Variants in CELSR3 observed in about 807,000 individuals in gnomAD.
CELSR3 encodes the protein cadherin EGF LAG seven-pass G-type receptor 3, also known as EGF-like protein 1.
CELSR3 carries 73 observed loss-of-function variants against 270.0 expected under a neutral mutation model. That is an observed-to-expected ratio of 0.27 (90% CI 0.22 to 0.33). CELSR3 has a LOEUF of 0.33. Among genes scored for constraint, CELSR3 ranks in the 10% least tolerant of loss-of-function variants. The probability of loss-of-function intolerance (pLI) is 1.00; values close to 1 mark genes in which losing one functional copy is unlikely to be tolerated. For synonymous variants in CELSR3, 1,780 were observed against 1,905.4 expected, an observed-to-expected ratio of 0.93 and a Z score of 1.71; for missense variants, 3,614 against 4,533.8, an observed-to-expected ratio of 0.80 and a Z score of 5.83.
At chr3:48,643,150 G>C (rs1234136887) in intron 28 of CELSR3, 67 bp from the exon 29 acceptor site, 25 of 1,072,960 alleles carry the variant, frequency 2.3e-5, no homozygotes, top group Non-Finnish European at 3.6e-5. Context: ...AAGTCACTGT[G>C]GGTCAGCAAT....
At position 48,650,748 on chromosome 3, in the gene CELSR3, G is replaced by A; in HGVS notation, c.6370+144C>T. ...GTGACAGGTCAGCAAAGTACTTGGG[G>A]CAAAGGTAGGGTTCCCTGGGTGTAA... On this transcript the variant is annotated intron_variant, in intron 15 of 34. Transcript: ENST00000164024. The surrounding 1 kb of genome is among the most constrained non-coding windows in gnomAD (Gnocchi z 5.1). The A allele has an allele frequency of 9.3e-7, 1 of 1,080,784 alleles. No individual in the cohort carries two copies. Among genetic ancestry groups the A allele is most frequent in the Admixed American group, 2.8e-5 (1 of 35,628 alleles). 66.9% of individuals were successfully genotyped at this position (1,080,784 alleles called of 1,614,324 possible).
At position 48,650,787 on chromosome 3, in the gene CELSR3, G is replaced by T; in HGVS notation, c.6370+105C>A. 7.5e-7 allele frequency: 1 copy of T among 1,333,698 alleles called. No homozygotes were observed. The highest frequency in any genetic ancestry group is 1.0e-6 in the Non-Finnish European group (1 of 972,810). 82.6% of individuals were successfully genotyped at this position (1,333,698 alleles called of 1,614,324 possible). ...CCCTGGGTGTAAGTGGTCTCCCTCA[G>T]GAGAAGCTTCCAGAGTCCCCAAGGA... On this transcript the variant is annotated intron_variant, in intron 15 of 34. Coordinates refer to ENST00000164024, the MANE Select transcript of CELSR3 (RefSeq NM_001407.3). The surrounding 1 kb of genome is among the most constrained non-coding windows in gnomAD (Gnocchi z 5.1).
In CELSR3 at chr3:48,659,230, G is replaced by A. The variant is rs1575545745; in HGVS notation, c.3405C>T (p.Arg1135=). Residue 1135 remains arginine (R), a synonymous_variant, in exon 1 of 35, where the codon CGC becomes CGT. Transcript: ENST00000164024. The surrounding 1 kb of genome is among the most constrained non-coding windows in gnomAD (Gnocchi z 8.1). ...TALIDLDYEA[R]QEYVIVVQAT... Reference sequence around the variant, plus strand: ...CCTGCACCACAATCACATATTCTTGGCGAGCCTCATAGTCTAGGTCAATGA... The same window carrying A: ...CCTGCACCACAATCACATATTCTTGACGAGCCTCATAGTCTAGGTCAATGA... The A allele has an allele frequency of 6.2e-7, 1 of 1,614,156 alleles. No homozygotes were observed. Among genetic ancestry groups the A allele is most frequent in the East Asian group, 2.2e-5 (1 of 44,884 alleles).
Position 48,650,907 on chromosome 3 carries a change from C to G in CELSR3, c.6355G>C (p.Ala2119Pro). The change falls in exon 15 of 35, where the codon GCC becomes CCC. Residue 2119 changes from alanine (A) to proline (P), a missense_variant. By Grantham distance (27) the Ala-to-Pro change is conservative. This residue lies in a region of CELSR3 where 1,331 missense variants were observed against 1,933.7 expected (regional missense o/e 0.69). Transcript: ENST00000164024. The surrounding 1 kb of genome is among the most constrained non-coding windows in gnomAD (Gnocchi z 5.1). The stretch of plus-strand genomic sequence containing the variant: ...GCCTGCTCACCCCGGCAGCCGCTGG[C>G]TGTCACCTCTGCGAAGGGACTGTCA... Reference protein sequence around the residue: ...SCDSPFAEVTASGCRVLYDAC... With the variant: ...SCDSPFAEVTPSGCRVLYDAC... The G allele has an allele frequency of 6.2e-7, 1 of 1,610,816 alleles. No homozygotes were observed. Among genetic ancestry groups the G allele is most frequent in the Non-Finnish European group, 8.5e-7 (1 of 1,179,722 alleles).
chr3:48,648,246 C>A lies in CELSR3; in HGVS notation c.6973+20G>T. On this transcript the variant is annotated intron_variant, in intron 19 of 34. Transcript: ENST00000164024. ...CATGGCCCCCCTGCTGTGCCCCGCC[C>A]TACCCCACCCACAACGCACTGATAT... The A allele has an allele frequency of 2.8e-6, 4 of 1,418,290 alleles. No individual in the cohort carries two copies. The highest frequency in any genetic ancestry group is 1.2e-5 in the South Asian group (1 of 86,762). The allele number at this position is 1,418,290 out of a possible 1,614,324, so 87.9% of individuals were successfully genotyped here. A position where few individuals can be genotyped will look rare whatever the true frequency, so the allele number is the denominator to read the frequency against.
chr3:48,639,930 G>A lies in CELSR3; in HGVS notation c.9655C>T (p.Pro3219Ser). 1 of 1,613,038 alleles carries A rather than the reference G, an allele frequency of 6.2e-7. No homozygotes were observed. The highest frequency in any genetic ancestry group is 8.5e-7 in the Non-Finnish European group (1 of 1,180,002). Reference protein sequence around the residue: ...SRHPSREALGPLPQLLRARED... With the variant: ...SRHPSREALGSLPQLLRARED... ...CTAGCTCTGAGCAGCTGCGGGAGTG[G>A]CCCAAGGGCTTCTCGTGAGGGGTGC... The change falls in exon 34 of 35, where the codon CCA (proline) becomes TCA (serine). Residue 3219 changes from proline (P) to serine (S), a missense_variant. Coordinates refer to ENST00000164024, the MANE Select transcript of CELSR3 (RefSeq NM_001407.3). This position sits in a 1 kb window ranked among gnomAD's most constrained non-coding sequence, Gnocchi z 4.1.
At position 48,653,979 on chromosome 3, in the gene CELSR3, CA is replaced by C. The variant is rs777192082; in HGVS notation, c.5176del (p.Cys1726ValfsTer48). On this transcript the variant is annotated frameshift_variant, in exon 8 of 35. Transcript: ENST00000164024. LOFTEE classifies it high-confidence loss of function. The surrounding 1 kb of genome is among the most constrained non-coding windows in gnomAD (Gnocchi z 6.5). ...MAGCQAKLHF[C>X]DSGPCKNSGF... is the part of the protein sequence containing the mutation. ...ACTGTTCTTGCAGGGGCCTGAGTCA[CA>C]AAAGTGTAGCTTGGCTTGGCAGCCT... is the stretch of plus-strand genomic sequence containing the variant. The C allele has an allele frequency of 6.2e-7, 1 of 1,613,246 alleles. No individual in the cohort carries two copies. The highest frequency in any genetic ancestry group is 1.1e-5 in the South Asian group (1 of 91,088).
In CELSR3 at chr3:48,661,923, C is replaced by G. The variant is rs1460231949; in HGVS notation, c.712G>C (p.Ala238Pro). ...TCCAGCTCGGGGCCAGATCCCGAGG[C>G]CCCTGGAAGACAGTTCCGCCGGGGG... ...TAPRRNCLPG[A>P]SGSGPELDSA... Residue 238 changes from alanine to proline, a missense_variant, in exon 1 of 35, where the codon GCC (alanine) becomes CCC (proline). Ala to Pro is a conservative substitution (Grantham distance 27). Transcript: ENST00000164024. The G allele has an allele frequency of 3.7e-6, 6 of 1,613,044 alleles. No homozygotes were observed. The South Asian group carries it at 6.6e-5, about 18-fold the overall frequency.
chr3:48,644,163 C>T lies in CELSR3; in HGVS notation c.8165+53G>A. 1 of 1,549,658 alleles carries T rather than the reference C, an allele frequency of 6.5e-7. No homozygotes were observed. Among genetic ancestry groups the T allele is most frequent in the Non-Finnish European group, 8.9e-7 (1 of 1,126,720 alleles). On this transcript the variant is annotated intron_variant, in intron 27 of 34. Transcript: ENST00000164024. The surrounding 1 kb of genome is among the most constrained non-coding windows in gnomAD (Gnocchi z 4.8). ...AGATCTGGGGGCCCCAGACCCCACC[C>T]AGGAGGGACCTGCCATCCTGAGAAG... is the stretch of plus-strand genomic sequence containing the variant.
chr3:48,661,600 T>G lies in CELSR3; in HGVS notation c.1035A>C (p.Leu345=), dbSNP rs751531614. 4 of 1,609,576 alleles carry G rather than the reference T, an allele frequency of 2.5e-6. No individual in the cohort carries two copies. Among genetic ancestry groups the G allele is most frequent in the Admixed American group, 1.7e-5 (1 of 59,652 alleles). Reference sequence around the variant, plus strand: ...CGTCCGGGTCCTGAGCAACCACGCGTAGCACCGCGGTGCCTGCTGCCTCAT... The same window carrying G: ...CGTCCGGGTCCTGAGCAACCACGCGGAGCACCGCGGTGCCTGCTGCCTCAT... ...PENEAAGTAV[L]RVVAQDPDAG... Residue 345 remains leucine, a synonymous_variant, in exon 1 of 35, where the codon CTA becomes CTC. Coordinates refer to ENST00000164024, the MANE Select transcript of CELSR3 (RefSeq NM_001407.3).
rs1369758398 is a variant in CELSR3 at position 48,645,218 on chromosome 3, A to AG, written c.7798-10dup. On this transcript the variant is annotated splice_polypyrimidine_tract_variant and intron_variant, in intron 24 of 34. Coordinates refer to ENST00000164024, the MANE Select transcript of CELSR3 (RefSeq NM_001407.3). This position sits in a 1 kb window ranked among gnomAD's most constrained non-coding sequence, Gnocchi z 5.4. ...ACTGCAGTGCACACCAGCTGAGGGC[A>AG]GGGGGGCGTGTCAGGACCTCTCCTG... The AG allele has an allele frequency of 2.6e-6, 4 of 1,564,876 alleles. No homozygotes were observed. Among genetic ancestry groups the AG allele is most frequent in the South Asian group, 1.2e-5 (1 of 84,752 alleles).
Position 48,637,914 on chromosome 3 carries a change from G to A in CELSR3, c.*291C>T. The stretch of plus-strand genomic sequence containing the variant: ...CTATCTCCCTCCCCCTCCCAGCCCA[G>A]CCTCAAACCCCCCAGGAGACAGAAA... On this transcript the variant is annotated 3_prime_UTR_variant, in exon 35 of 35. Transcript: ENST00000164024. The A allele has an allele frequency of 2.8e-6, 1 of 352,382 alleles. No homozygotes were observed. 21.8% of individuals were successfully genotyped at this position (352,382 alleles called of 1,614,324 possible).
At position 48,657,440 on chromosome 3, in the gene CELSR3, C is replaced by T; in HGVS notation, c.3749-92G>A. On this transcript the variant is annotated intron_variant, in intron 1 of 34. Transcript: ENST00000164024. This position sits in a 1 kb window ranked among gnomAD's most constrained non-coding sequence, Gnocchi z 5.4. ...GGGCTGGGGCCAGCGATAGCCTAGGCCCCCAGAACCTCTAAGTCAGCAGGC... is the reference window on the plus strand; with the variant it reads ...GGGCTGGGGCCAGCGATAGCCTAGGTCCCCAGAACCTCTAAGTCAGCAGGC... 4 of 1,334,886 alleles carry T rather than the reference C, an allele frequency of 3.0e-6. No homozygotes were observed. The South Asian group carries it at 6.1e-5, about 20-fold the overall frequency. 82.7% of individuals were successfully genotyped at this position (1,334,886 alleles called of 1,614,324 possible).
rs1349746078 is a variant in CELSR3 at position 48,660,422 on chromosome 3, G to A, written c.2213C>T (p.Ala738Val). 1 of 1,614,118 alleles carries A rather than the reference G, an allele frequency of 6.2e-7. No individual in the cohort carries two copies. Among genetic ancestry groups the A allele is most frequent in the Non-Finnish European group, 8.5e-7 (1 of 1,180,032 alleles). The change falls in exon 1 of 35, where the codon GCC (alanine) becomes GTC (valine). Residue 738 changes from alanine (A) to valine (V), a missense_variant. Transcript: ENST00000164024. This position sits in a 1 kb window ranked among gnomAD's most constrained non-coding sequence, Gnocchi z 5.5. ...ARDHGSPPLS[A>V]SASVTVTVLD... The stretch of plus-strand genomic sequence containing the variant: ...CACAGTCACGGTGACACTGGCTGAG[G>A]CAGAGAGTGGGGGTGAGCCATGGTC...
At position 48,653,411 on chromosome 3, in the gene CELSR3, A is replaced by G. The variant is rs748969278; in HGVS notation, c.5448+208T>C. Among the ~76,000 whole-genome samples the G allele has an allele frequency of 4.6e-5, 7 of 152,164 alleles. No individual in the cohort carries two copies. Among genetic ancestry groups the G allele is most frequent in the Admixed American group, 2.0e-4 (3 of 15,270 alleles). ...TTGTGGGTGGGTTGGTGCAGCTTGC[A>G]TAAGAGAGAGCTATGCTGGAGCCCT... On this transcript the variant is annotated intron_variant, in intron 9 of 34. Coordinates refer to ENST00000164024, the MANE Select transcript of CELSR3 (RefSeq NM_001407.3). The surrounding 1 kb of genome is among the most constrained non-coding windows in gnomAD (Gnocchi z 6.5).
Position 48,642,830 on chromosome 3 carries a change from T to G in CELSR3, c.8461A>C (p.Ile2821Leu). Reference protein sequence around the residue: ...ALFEESGLIRITLGASTVSSV... With the variant: ...ALFEESGLIRLTLGASTVSSV... Reference sequence around the variant, plus strand: ...GAGACGGTGGAGGCGCCCAGAGTGATGCGGATGAGGCCACTCTCCTCAAAG... The same window carrying G: ...GAGACGGTGGAGGCGCCCAGAGTGAGGCGGATGAGGCCACTCTCCTCAAAG... Residue 2821 changes from isoleucine (I) to leucine (L), a missense_variant, in exon 30 of 35, where the codon ATC (isoleucine) becomes CTC (leucine). Physicochemically the swap from Ile to Leu is conservative, Grantham distance 5. Coordinates refer to ENST00000164024, the MANE Select transcript of CELSR3 (RefSeq NM_001407.3). This position sits in a 1 kb window ranked among gnomAD's most constrained non-coding sequence, Gnocchi z 6.1. 6.2e-7 allele frequency: 1 copy of G among 1,613,128 alleles called. No individual in the cohort carries two copies. The highest frequency in any genetic ancestry group is 2.2e-5 in the East Asian group (1 of 44,880).
rs1248695130 is a variant in CELSR3 at position 48,655,980 on chromosome 3, C to CG, written c.4626-130dup. The CG allele has an allele frequency of 8.2e-6, 9 of 1,103,650 alleles. No homozygotes were observed. Among genetic ancestry groups the CG allele is most frequent in the Non-Finnish European group, 1.2e-5 (9 of 760,822 alleles). The allele number at this position is 1,103,650 out of a possible 1,614,324, so 68.4% of individuals were successfully genotyped here. ...AGCGACGAGGGACGGCGGGACCGAC[C>CG]GGGGGGACGCGGGTGCAGCGAGGTC... On this transcript the variant is annotated intron_variant, in intron 3 of 34. Transcript: ENST00000164024. The surrounding 1 kb of genome is among the most constrained non-coding windows in gnomAD (Gnocchi z 5.8).
chr3:48,656,953 C>T lies in CELSR3; in HGVS notation c.4144G>A (p.Glu1382Lys). Residue 1382 changes from glutamate (E) to lysine (K), a missense_variant, in exon 2 of 35, where the codon GAG becomes AAG. This residue lies in a region of CELSR3 where 1,331 missense variants were observed against 1,933.7 expected (regional missense o/e 0.69). Coordinates refer to ENST00000164024, the MANE Select transcript of CELSR3 (RefSeq NM_001407.3). ...LPFDDNVCLREPCENYMKCVS... is the reference protein window; with the variant it reads ...LPFDDNVCLRKPCENYMKCVS... ...CATTTCATGTAGTTCTCACAGGGCT[C>T]TCGCAGGCACACGTTGTCGTCGAAG... The T allele has an allele frequency of 6.2e-7, 1 of 1,612,732 alleles. No individual in the cohort carries two copies. Among genetic ancestry groups the T allele is most frequent in the Non-Finnish European group, 8.5e-7 (1 of 1,179,436 alleles).
rs2047130928 is a variant in CELSR3, at chr3:48,650,875, G to A, written c.6370+17C>T. The A allele has an allele frequency of 1.2e-6, 2 of 1,607,918 alleles. No individual in the cohort carries two copies. The highest frequency in any genetic ancestry group is 1.1e-5 in the South Asian group (1 of 90,638). Reference sequence around the variant, plus strand: ...GAACCAGCCCTCTATGGGTGGAGCTGGGTGGAGCCTGCTCACCCCGGCAGC... The same window carrying A: ...GAACCAGCCCTCTATGGGTGGAGCTAGGTGGAGCCTGCTCACCCCGGCAGC... On this transcript the variant is annotated intron_variant, in intron 15 of 34. Transcript: ENST00000164024. The surrounding 1 kb of genome is among the most constrained non-coding windows in gnomAD (Gnocchi z 5.1).
Sources: allele counts gnomAD v4.1 joint callset (sites outside exome capture counted in the v4.1 genomes callset), GRCh38; gene constraint gnomAD v4.1.1; regional missense constraint gnomAD v4.1.1; non-coding constraint Gnocchi (gnomAD v3.1); transcripts MANE v1.5; gene names NCBI Gene and HGNC (gene_info 2026-07-23, HGNC 2026-07-21).